The following GALNT17 variants were observed in gnomAD, a reference collection of about 807,000 sequenced individuals.
GALNT17 encodes UDP-GalNAc:polypeptide N-acetylgalactosaminyltransferase-like 3.
A neutral mutation model predicts 63.7 loss-of-function variants in GALNT17; 29 were observed. That is an observed-to-expected ratio of 0.46 (90% CI 0.34 to 0.62). The LOEUF is 0.62. Among genes scored for constraint, GALNT17 ranks in the 20% least tolerant of loss-of-function variants. The probability of loss-of-function intolerance (pLI) is 0.01; values close to 1 mark genes in which losing one functional copy is unlikely to be tolerated. For synonymous variants in GALNT17, 305 were observed against 318.3 expected (o/e 0.96, Z 0.45); for missense variants, 603 against 799.6 (o/e 0.75, Z 2.97).
intron 2 of GALNT17, among the ~76,000 whole-genome samples, chr7:71,348,043 T>A (rs1050029635): frequency 2.0e-5 from 3 of 152,132 alleles, no homozygotes; most frequent in Non-Finnish European, 4.4e-5. Context: ...GGTGGATCTC[T>A]TGAGGTCAGG....
At chr7:71,457,177 A>G (rs753692687) in intron 5 of GALNT17, among the ~76,000 whole-genome samples, 22 of 152,218 alleles carry the variant, frequency 1.4e-4, no homozygotes, top group Non-Finnish European at 2.5e-4. Context: ...TGTCAGGGTG[A>G]AATTCAACAG....
At chr7:71,222,291 T>C (rs1789600866) in intron 1 of GALNT17, among the ~76,000 whole-genome samples, 1 of 152,102 alleles carries the variant, frequency 6.6e-6, no homozygotes, top group African/African-American at 2.4e-5. Flanking sequence ...TTGTAGTTCA[T>C]TGTTAGGGTT....
intron 5 of GALNT17, among the ~76,000 whole-genome samples, chr7:71,458,329 G>C (rs568378910): frequency 6.6e-6 from 1 of 152,282 alleles, no homozygotes; most frequent in East Asian, 1.9e-4. Flanking sequence ...TGGCTTGTCT[G>C]TTCGCCACCC....
At chr7:71,668,619 T>C (rs532491764) in intron 7 of GALNT17, among the ~76,000 whole-genome samples, 1 of 152,004 alleles carries the variant, frequency 6.6e-6, no homozygotes, top group East Asian at 1.9e-4. Flanking sequence ...TTGAATAAGT[T>C]TGACATTTAA....
intron 2 of GALNT17, among the ~76,000 whole-genome samples, chr7:71,338,115 CA>C (rs1407916523): frequency 6.6e-6 from 1 of 151,872 alleles, no homozygotes; most frequent in East Asian, 2.0e-4. Context: ...ATCACGAGAT[CA>C]GGAGATCGAG....
intron 6 of GALNT17, among the ~76,000 whole-genome samples, chr7:71,580,399 T>TA (rs1355316724): frequency 0.17 from 24,731 of 147,244 alleles, 2,385 homozygotes; most frequent in East Asian, 0.23. Context: ...GATAGATGGA[T>TA]GATAGATAGA....
At position 71,710,901 on chromosome 7, in the gene GALNT17, C is replaced by A. The variant is rs1371912649; in HGVS notation, c.1641C>A (p.Ser547Arg). The A allele has an allele frequency of 6.2e-7, 1 of 1,613,926 alleles. No homozygotes were observed. Among genetic ancestry groups the A allele is most frequent in the Non-Finnish European group, 8.5e-7 (1 of 1,180,038 alleles). The change falls in exon 10 of 11, where the codon AGC (serine) becomes AGA (arginine). Residue 547 changes from serine to arginine, a missense_variant. Around this residue, in one of 3 missense-constraint regions of GALNT17, gnomAD observed 72 missense variants for 76.9 expected, o/e 0.94. Coordinates refer to ENST00000333538, the MANE Select transcript of GALNT17 (RefSeq NM_022479.3). ...TGGACTGCGACAAGGTCAAGAGCAG[C>A]CTGTACAAGCGCTGGAACTTCATCC... is the stretch of plus-strand genomic sequence containing the variant. ...QLLDCDKVKSSLYKRWNFIQN... is the reference protein window; with the variant it reads ...QLLDCDKVKSRLYKRWNFIQN...
intron 6 of GALNT17, among the ~76,000 whole-genome samples, chr7:71,637,970 G>A (rs904021636): frequency 4.6e-5 from 7 of 152,198 alleles, no homozygotes; most frequent in African/African-American, 1.7e-4. Flanking sequence ...AAGGCTGCTG[G>A]TTGCCCATGT....
intron 6 of GALNT17, among the ~76,000 whole-genome samples, chr7:71,643,404 G>A (rs933496253): frequency 6.6e-6 from 1 of 152,076 alleles, no homozygotes; most frequent in Non-Finnish European, 1.5e-5. Context: ...GGAGGCGGAG[G>A]TTGCAGTGAG....
chr7:71,444,616 A>C (rs56235392), intron 5 of GALNT17, among the ~76,000 whole-genome samples: 1,540 of 152,246 alleles, frequency 0.01, 22 homozygotes, highest in African/African-American at 0.035. Flanking sequence ...CAGGTAGATC[A>C]CTTGAGGTTA....
intron 6 of GALNT17, among the ~76,000 whole-genome samples, chr7:71,618,969 T>C (rs1461936202): frequency 6.6e-6 from 1 of 152,232 alleles, no homozygotes; most frequent in Non-Finnish European, 1.5e-5. Flanking sequence ...CTTTGATCCA[T>C]CTTGAGTTAA....
chr7:71,146,816 T>C (rs929656186), intron 1 of GALNT17, among the ~76,000 whole-genome samples: 2 of 152,220 alleles, frequency 1.3e-5, no homozygotes, highest in African/African-American at 4.8e-5. Flanking sequence ...AGCTTTGCCA[T>C]GCATGAGTAA....
chr7:71,534,456 G>A (rs1265646442), intron 5 of GALNT17, among the ~76,000 whole-genome samples: 2 of 151,908 alleles, frequency 1.3e-5, no homozygotes, highest in Non-Finnish European at 2.9e-5. Flanking sequence ...AAAATTAGCT[G>A]GGCATGGTGG....
chr7:71,579,637 C>G (rs750571684), intron 6 of GALNT17, among the ~76,000 whole-genome samples: 1 of 152,132 alleles, frequency 6.6e-6, no homozygotes, highest in Non-Finnish European at 1.5e-5. Context: ...AGAAAAACAT[C>G]TGCAAAGATT....
rs144493671 is a variant in GALNT17 at position 71,265,098 on chromosome 7, T to TTTTATA, written c.239-70451_239-70450insTTATAT. Among the ~76,000 whole-genome samples the TTTTATA allele has an allele frequency of 1.6e-3, 122 of 78,302 alleles. 4 individuals carry two copies. The highest frequency in any genetic ancestry group is 2.1e-3 in the Non-Finnish European group (81 of 38,142). The allele number at this position is 78,302 out of a possible 152,430, so 51.4% of individuals were successfully genotyped here. A position where few individuals can be genotyped will look rare whatever the true frequency, so the allele number is the denominator to read the frequency against. ...AAATACCACACGTAACCCATAAATA[T>TTTTATA]TATATATATATATATATATATTTTT... On this transcript the variant is annotated intron_variant, in intron 1 of 10. Coordinates refer to ENST00000333538, the MANE Select transcript of GALNT17 (RefSeq NM_022479.3).
chr7:71,456,148 A>C (rs1229946029), intron 5 of GALNT17, among the ~76,000 whole-genome samples: 2 of 151,974 alleles, frequency 1.3e-5, no homozygotes, highest in Non-Finnish European at 2.9e-5. Flanking sequence ...CAGGAGGCTG[A>C]GGCAGGAGAA....
At chr7:71,261,714 T>A (rs6978549) in intron 1 of GALNT17, among the ~76,000 whole-genome samples, 8,421 of 152,244 alleles carry the variant, frequency 0.055, 800 homozygotes, top group African/African-American at 0.19. Flanking sequence ...GTGGTGGTGA[T>A]CGTGACAACC....
At chr7:71,224,031 G>A (rs966526565) in intron 1 of GALNT17, among the ~76,000 whole-genome samples, 1 of 152,122 alleles carries the variant, frequency 6.6e-6, no homozygotes, top group Non-Finnish European at 1.5e-5. Flanking sequence ...GTTTCAGAAA[G>A]AAGCAGAGAA....
intron 9 of GALNT17, among the ~76,000 whole-genome samples, chr7:71,698,136 AAAAAAG>A (rs1296107080): frequency 3.3e-5 from 5 of 151,486 alleles, no homozygotes; most frequent in Non-Finnish European, 7.4e-5. Flanking sequence ...AAAAAAAAAA[AAAAAAG>A]AAAAGAAAAG....
Sources: allele counts gnomAD v4.1 joint callset (sites outside exome capture counted in the v4.1 genomes callset), GRCh38; gene constraint gnomAD v4.1.1; regional missense constraint gnomAD v4.1.1; transcripts MANE v1.5; gene names NCBI Gene and HGNC (gene_info 2026-07-23, HGNC 2026-07-21).